The following FCER1A variants were observed in gnomAD, a reference collection of about 807,000 sequenced individuals.
FCER1A encodes the protein high affinity immunoglobulin epsilon receptor subunit alpha.
Under a neutral mutation model 23.6 loss-of-function variants are expected in FCER1A, and 24 were observed. The ratio of observed to expected loss-of-function variants is 1.02; its 90% confidence interval spans 0.74 to 1.43. The LOEUF (loss-of-function observed/expected upper bound fraction) is 1.43. Ranked by LOEUF, FCER1A falls within the 40% of genes most tolerant of loss-of-function variation. FCER1A has a pLI of 0.00. For missense variants in FCER1A, 318 were observed against 294.5 expected, an observed-to-expected ratio of 1.08 and a Z score of -0.58; for synonymous variants, 121 against 108.8, an observed-to-expected ratio of 1.11 and a Z score of -0.70.
upstream of FCER1A, among the ~76,000 whole-genome samples, chr1:159,301,351 G>A (rs896195113): frequency 6.6e-6 from 1 of 152,124 alleles, no homozygotes; most frequent in Non-Finnish European, 1.5e-5. Flanking sequence ...GTTGAGCCTT[G>A]ACCTAGAGCA....
At chr1:159,303,656 G>T (rs1381865128) in intron 2 of FCER1A, among the ~76,000 whole-genome samples, 1 of 152,188 alleles carries the variant, frequency 6.6e-6, no homozygotes. Context: ...AGTAGAGTGA[G>T]TCAGCTCAAA....
chr1:159,302,398 T>G lies in FCER1A; in HGVS notation c.34T>G (p.Cys12Gly), dbSNP rs762504841. 10 of 1,610,892 alleles carry G rather than the reference T, an allele frequency of 6.2e-6. No homozygotes were observed. The South Asian group carries it at 1.1e-4, about 18-fold the overall frequency. ...APAMESPTLLCVALLFFAPDG... is the reference protein window; with the variant it reads ...APAMESPTLLGVALLFFAPDG... ...TGCCATGGAATCCCCTACTCTACTG[T>G]GTGTAGCCTTACTGTTCTTCGGTAA... is the stretch of plus-strand genomic sequence containing the variant. Residue 12 changes from cysteine to glycine, a missense_variant, in exon 1 of 5, where the codon TGT becomes GGT. Coordinates refer to ENST00000693622, the MANE Select transcript of FCER1A (RefSeq NM_001387280.1).
At chr1:159,289,386 A>G (rs1652091541), upstream of FCER1A, among the ~76,000 whole-genome samples, 1 of 152,332 alleles carries the variant, frequency 6.6e-6, no homozygotes, top group Non-Finnish European at 1.5e-5. Flanking sequence ...ATTGCCAGAA[A>G]ACATCTAGAT....
chr1:159,300,647 G>A (rs1313765031), upstream of FCER1A, among the ~76,000 whole-genome samples: 1 of 152,066 alleles, frequency 6.6e-6, no homozygotes, highest in Non-Finnish European at 1.5e-5. Flanking sequence ...ATACTATGTA[G>A]GTTGACAATA....
chr1:159,308,034 T>C lies in FCER1A; in HGVS notation c.*102T>C. On this transcript the variant is annotated 3_prime_UTR_variant, in exon 5 of 5. Transcript: ENST00000693622. ...CTTGCAATATACATAGAAACGTCTGTGCTCAAGGATTTATAGAAATGCTTC... is the reference window on the plus strand; with the variant it reads ...CTTGCAATATACATAGAAACGTCTGCGCTCAAGGATTTATAGAAATGCTTC... The C allele has an allele frequency of 1.3e-6, 1 of 779,848 alleles. No individual in the cohort carries two copies. The highest frequency in any genetic ancestry group is 2.0e-6 in the Non-Finnish European group (1 of 506,362). The allele number at this position is 779,848 out of a possible 1,614,324, so 48.3% of individuals were successfully genotyped here. A position where few individuals can be genotyped will look rare whatever the true frequency, so the allele number is the denominator to read the frequency against.
intron 3 of FCER1A, 43 bp downstream of exon 3, chr1:159,304,225 G>A: frequency 6.3e-7 from 1 of 1,587,114 alleles, no homozygotes; most frequent in African/African-American, 1.3e-5. Flanking sequence ...TCATGTGAGG[G>A]ATGGCTCATC....
chr1:159,292,308 C>A (rs1445858141), intron 1 of FCER1A, among the ~76,000 whole-genome samples: 6 of 152,092 alleles, frequency 3.9e-5, no homozygotes, highest in African/African-American at 1.4e-4. Flanking sequence ...AACTAAAACA[C>A]TTCCCAACCG....
chr1:159,293,782 C>T (rs1267582028), intron 1 of FCER1A, among the ~76,000 whole-genome samples: 3 of 151,918 alleles, frequency 2.0e-5, no homozygotes, highest in African/African-American at 7.3e-5. Context: ...TTTTCTTAAT[C>T]CAGTCTATCA....
intron 4 of FCER1A, among the ~76,000 whole-genome samples, chr1:159,307,011 A>G (rs1424627319): frequency 1.3e-5 from 2 of 152,252 alleles, no homozygotes; most frequent in Non-Finnish European, 2.9e-5. Flanking sequence ...CTTCATCTGT[A>G]AAACAGAATA....
upstream of FCER1A, among the ~76,000 whole-genome samples, chr1:159,286,007 T>C (rs1422926180): frequency 6.6e-6 from 1 of 151,936 alleles, no homozygotes; most frequent in African/African-American, 2.4e-5. Context: ...CAAACCAGCA[T>C]GGTGAAACAC....
chr1:159,293,352 A>G (rs1248499656), intron 1 of FCER1A, among the ~76,000 whole-genome samples: 1 of 151,826 alleles, frequency 6.6e-6, no homozygotes, highest in Non-Finnish European at 1.5e-5. Flanking sequence ...TCTACTCGCT[A>G]TGCTTCAGCC....
upstream of FCER1A, among the ~76,000 whole-genome samples, chr1:159,300,945 TA>T (rs1282339003): frequency 6.6e-6 from 1 of 152,220 alleles, no homozygotes; most frequent in Non-Finnish European, 1.5e-5. Context: ...CTGTTACCTT[TA>T]AGGTCTGTCA....
In FCER1A at chr1:159,306,174, CCTA is replaced by C; in HGVS notation, c.524_526del (p.Tyr175del). ...AATGCCACAGTTGAAGACAGTGGAA[CCTA>C]CTACTGTACGGGCAAAGTGTGGCAG... On this transcript the variant is annotated inframe_deletion, in exon 4 of 5. Coordinates refer to ENST00000693622, the MANE Select transcript of FCER1A (RefSeq NM_001387280.1). 1 of 1,613,666 alleles carries C rather than the reference CCTA, an allele frequency of 6.2e-7. No homozygotes were observed. Among genetic ancestry groups the C allele is most frequent in the South Asian group, 1.1e-5 (1 of 91,066 alleles).
chr1:159,291,832 T>A (rs1652160512), intron 1 of FCER1A, among the ~76,000 whole-genome samples: 1 of 152,160 alleles, frequency 6.6e-6, no homozygotes, highest in Non-Finnish European at 1.5e-5. Flanking sequence ...CAGTTTGCTT[T>A]TTACACATAT....
intron 1 of FCER1A, among the ~76,000 whole-genome samples, chr1:159,290,593 G>A (rs759937377): frequency 1.3e-5 from 2 of 152,120 alleles, no homozygotes; most frequent in Non-Finnish European, 2.9e-5. Flanking sequence ...CTACCATTCA[G>A]ACCTCTAAGC....
chr1:159,303,921 C>T lies in FCER1A; in HGVS notation c.77-7C>T, dbSNP rs1260270349. The stretch of plus-strand genomic sequence containing the variant: ...ACATGTCTTTTCATATTTTTATCTT[C>T]TTGAAGTCCCTCAGAAACCTAAGGT... On this transcript the variant is annotated splice_polypyrimidine_tract_variant and splice_region_variant and intron_variant, in intron 2 of 4. Transcript: ENST00000693622. The T allele has an allele frequency of 1.2e-6, 2 of 1,604,938 alleles. No individual in the cohort carries two copies. Among genetic ancestry groups the T allele is most frequent in the Non-Finnish European group, 1.7e-6 (2 of 1,174,768 alleles).
upstream of FCER1A, among the ~76,000 whole-genome samples, chr1:159,288,320 G>T (rs1228646207): frequency 1.3e-5 from 2 of 152,188 alleles, no homozygotes; most frequent in Admixed American, 6.5e-5. Flanking sequence ...GGATCATGGG[G>T]GCTACACCAA....
upstream of FCER1A, among the ~76,000 whole-genome samples, chr1:159,299,740 A>T (rs1652380800): frequency 6.6e-6 from 1 of 152,114 alleles, no homozygotes; most frequent in Non-Finnish European, 1.5e-5. Flanking sequence ...CACTCCACCC[A>T]GATAATGGAT....
intron 4 of FCER1A, among the ~76,000 whole-genome samples, chr1:159,306,770 G>A (rs1278415996): frequency 6.6e-6 from 1 of 152,098 alleles, no homozygotes; most frequent in Non-Finnish European, 1.5e-5. Context: ...TAGGGAGGTG[G>A]ACTGCCTCTA....
Sources: allele counts gnomAD v4.1 joint callset (sites outside exome capture counted in the v4.1 genomes callset), GRCh38; gene constraint gnomAD v4.1.1; transcripts MANE v1.5; gene names NCBI Gene and HGNC (gene_info 2026-07-23, HGNC 2026-07-21).